NRXN3: variants seen among roughly 807,000 people sequenced by gnomAD.
NRXN3 encodes the protein neurexin 3.
In NRXN3, 32 loss-of-function variants were observed where a neutral mutation model predicts 137.6. That is an observed-to-expected ratio of 0.23 (90% CI 0.18 to 0.31). The LOEUF (loss-of-function observed/expected upper bound fraction) is 0.31, where lower values mean the gene tolerates loss of function less well. NRXN3 is among the 10% of genes least tolerant of loss of function. The pLI is 1.00. For missense variants in NRXN3, 1,574 were observed against 2,062.5 expected, an observed-to-expected ratio of 0.76 and a Z score of 4.59; for synonymous variants, 798 against 784.5, an observed-to-expected ratio of 1.02 and a Z score of -0.29.
At chr14:78,977,072 A>G (rs944040098) in intron 14 of NRXN3, among the ~76,000 whole-genome samples, 6 of 152,192 alleles carry the variant, frequency 3.9e-5, no homozygotes, top group Non-Finnish European at 5.9e-5. Context: ...TATCTCCCTT[A>G]TACAGATGGG....
chr14:78,816,117 A>T (rs1010089655), intron 10 of NRXN3, among the ~76,000 whole-genome samples: 4 of 152,194 alleles, frequency 2.6e-5, no homozygotes, highest in Non-Finnish European at 4.4e-5. Context: ...TAACAGCCAG[A>T]TTTTAGTATG....
intron 19 of NRXN3, among the ~76,000 whole-genome samples, chr14:79,751,057 C>T (rs1428799918): frequency 6.6e-6 from 1 of 151,804 alleles, no homozygotes; most frequent in East Asian, 1.9e-4. Flanking sequence ...GATGCAGGCT[C>T]TTTTTTGGTT....
intron 10 of NRXN3, among the ~76,000 whole-genome samples, chr14:78,854,186 C>T (rs1426592186): frequency 2.0e-5 from 3 of 152,130 alleles, no homozygotes; most frequent in Non-Finnish European, 2.9e-5. Context: ...TGTCATCAGC[C>T]GAATTTGGTG....
At chr14:79,372,646 C>A (rs2094144562) in intron 15 of NRXN3, among the ~76,000 whole-genome samples, 1 of 151,940 alleles carries the variant, frequency 6.6e-6, no homozygotes. Flanking sequence ...ATTTTAAGTT[C>A]TATGCTGGCT....
chr14:79,746,342 G>GAGTC (rs2098979654), intron 19 of NRXN3, among the ~76,000 whole-genome samples: 3 of 152,120 alleles, frequency 2.0e-5, no homozygotes, highest in Admixed American at 6.6e-5. Flanking sequence ...GGAAAGCATA[G>GAGTC]AGTCAGGGTG....
chr14:79,772,396 G>C (rs868856687), intron 19 of NRXN3, among the ~76,000 whole-genome samples: 49 of 151,608 alleles, frequency 3.2e-4, no homozygotes, highest in Non-Finnish European at 4.7e-4. Context: ...GCTACAGTAA[G>C]CAAAACAGCA....
intron 4 of NRXN3, among the ~76,000 whole-genome samples, chr14:78,604,384 TC>T (rs1218388874): frequency 1.3e-5 from 2 of 151,696 alleles, no homozygotes; most frequent in Non-Finnish European, 2.9e-5. Context: ...CACAGGAATA[TC>T]CCTAAATACT....
At chr14:79,609,198 A>C (rs1348656064) in intron 16 of NRXN3, among the ~76,000 whole-genome samples, 5 of 152,242 alleles carry the variant, frequency 3.3e-5, no homozygotes, top group Admixed American at 3.3e-4. Context: ...AAGAGTGACC[A>C]GTAATGATTG....
At chr14:78,829,081 A>G (rs1023059695) in intron 10 of NRXN3, among the ~76,000 whole-genome samples, 1 of 152,158 alleles carries the variant, frequency 6.6e-6, no homozygotes, top group African/African-American at 2.4e-5. Flanking sequence ...GAAGATACAT[A>G]CTTGGTGTGT....
At chr14:78,295,857 C>G (rs2076264802) in intron 3 of NRXN3, among the ~76,000 whole-genome samples, 1 of 152,116 alleles carries the variant, frequency 6.6e-6, no homozygotes, top group Admixed American at 6.5e-5. Context: ...GTCCTGTTCA[C>G]TATTTAGTAA....
At chr14:79,516,212 C>T (rs749542826) in intron 16 of NRXN3, among the ~76,000 whole-genome samples, 1 of 152,076 alleles carries the variant, frequency 6.6e-6, no homozygotes, top group Non-Finnish European at 1.5e-5. Context: ...GCTGGCCTGC[C>T]CTAAACAGCG....
In NRXN3 at chr14:79,243,117, T is replaced by G. The variant is rs143658805; in HGVS notation, c.3263-224104T>G. Among the ~76,000 whole-genome samples the G allele has an allele frequency of 4.6e-3, 706 of 152,298 alleles. 6 individuals are homozygous for G. The highest frequency in any genetic ancestry group is 0.033 in the South Asian group (158 of 4,822). Reference sequence around the variant, plus strand: ...TGAGATAATGCATTCATATACTGATTCAGCAAACATTTATTATGACTTCCC... The same window carrying G: ...TGAGATAATGCATTCATATACTGATGCAGCAAACATTTATTATGACTTCCC... On this transcript the variant is annotated intron_variant, in intron 15 of 20. Transcript: ENST00000335750.
At chr14:79,818,318 G>T (rs559361136) in intron 20 of NRXN3, among the ~76,000 whole-genome samples, 3 of 152,096 alleles carry the variant, frequency 2.0e-5, no homozygotes, top group Non-Finnish European at 4.4e-5. Context: ...CTCCCAAAGT[G>T]CTGGGATTAC....
chr14:79,417,818 A>G (rs1179658227), intron 15 of NRXN3, among the ~76,000 whole-genome samples: 1 of 152,138 alleles, frequency 6.6e-6, no homozygotes, highest in African/African-American at 2.4e-5. Context: ...AAAAACACAT[A>G]CTTCCAGCTC....
rs570297292 is a variant in NRXN3 at position 79,604,063 on chromosome 14, T to C, written c.3445-59715T>C. 9.9e-5 allele frequency among the ~76,000 whole-genome samples: 15 copies of C among 152,038 alleles called. No homozygotes were observed. The South Asian group carries it at 2.3e-3, about 23-fold the overall frequency. ...CCACCACGCCCAGATAAATTTTTTT[T>C]TGTATTTTTAGTAGAGACGGGGTTT... On this transcript the variant is annotated intron_variant, in intron 16 of 20. Coordinates refer to ENST00000335750, the MANE Select transcript of NRXN3 (RefSeq NM_001330195.2).
chr14:79,733,527 A>C (rs1249223951), intron 19 of NRXN3, among the ~76,000 whole-genome samples: 4 of 152,182 alleles, frequency 2.6e-5, no homozygotes, highest in Non-Finnish European at 5.9e-5. Context: ...GCAGGATTGC[A>C]ACAATTCTTT....
intron 4 of NRXN3, among the ~76,000 whole-genome samples, chr14:78,590,456 T>A (rs986415709): frequency 6.6e-6 from 1 of 151,738 alleles, no homozygotes; most frequent in Non-Finnish European, 1.5e-5. Context: ...CATAAAAACT[T>A]TTTTTTTTCA....
intron 15 of NRXN3, among the ~76,000 whole-genome samples, chr14:79,014,765 T>C (rs942156665): frequency 3.0e-4 from 45 of 152,206 alleles, no homozygotes; most frequent in Non-Finnish European, 3.7e-4. Flanking sequence ...GTGAAGGTTC[T>C]TTCTCATTTG....
chr14:78,813,519 T>A (rs941601413), intron 10 of NRXN3, among the ~76,000 whole-genome samples: 12 of 152,192 alleles, frequency 7.9e-5, no homozygotes, highest in Admixed American at 7.9e-4. Context: ...AGCTTCTTTT[T>A]TTTTTCCCCC....
Sources: gnomAD v4.1 joint callset for allele counts (sites outside exome capture counted in the v4.1 genomes callset) on GRCh38, gnomAD v4.1.1 for gene constraint, MANE v1.5 for transcripts, NCBI Gene and HGNC (gene_info 2026-07-23, HGNC 2026-07-21) for gene names.